Variants in MGAT5 observed in about 807,000 individuals in gnomAD.
MGAT5 encodes alpha-1,6-mannosylglycoprotein 6-beta-N-acetylglucosaminyltransferase.
Under a neutral mutation model 94.3 loss-of-function variants are expected in MGAT5, and 30 were observed. The observed-to-expected ratio is 0.32, with a 90% CI of 0.24 to 0.43. The LOEUF is 0.43. MGAT5 is among the 20% of genes least tolerant of loss of function. MGAT5 has a pLI of 1.00. For missense variants in MGAT5, 691 were observed against 905.5 expected (o/e 0.76, Z 3.04); for synonymous variants, 310 against 322.9 (o/e 0.96, Z 0.43).
At chr2:134,177,239 C>T (rs560264366) in intron 1 of MGAT5, among the ~76,000 whole-genome samples, 270 of 149,384 alleles carry the variant, frequency 1.8e-3, no homozygotes, top group Non-Finnish European at 2.7e-3. Context: ...ATAAACAGTT[C>T]TATGGGATGG....
chr2:134,119,978 T>G (rs1685484164), upstream of MGAT5: 1 of 151,840 alleles, frequency 6.6e-6, no homozygotes, highest in Non-Finnish European at 1.5e-5. Flanking sequence ...TGAGGTTGGC[T>G]AGGGGAAGGT....
chr2:134,277,739 T>C (rs1375347664), intron 2 of MGAT5, among the ~76,000 whole-genome samples: 2 of 152,242 alleles, frequency 1.3e-5, no homozygotes, highest in African/African-American at 2.4e-5. Context: ...AATATTGACA[T>C]AAAAATGGAA....
intron 1 of MGAT5, among the ~76,000 whole-genome samples, chr2:134,132,353 C>G (rs950435118): frequency 4.6e-5 from 7 of 152,138 alleles, no homozygotes; most frequent in Admixed American, 2.6e-4. Flanking sequence ...TGACCCCACC[C>G]TGGAGTAAGA....
chr2:134,257,181 T>G (rs1683018190), intron 1 of MGAT5, among the ~76,000 whole-genome samples: 1 of 152,170 alleles, frequency 6.6e-6, no homozygotes, highest in African/African-American at 2.4e-5. Context: ...ACAAACGCTA[T>G]CTGACATCAT....
intron 1 of MGAT5, among the ~76,000 whole-genome samples, chr2:134,143,656 G>A (rs1237113342): frequency 2.0e-5 from 3 of 152,192 alleles, no homozygotes; most frequent in Non-Finnish European, 2.9e-5. Context: ...GGGCTGGAAT[G>A]GTTGGCTGAG....
intron 13 of MGAT5, among the ~76,000 whole-genome samples, chr2:134,424,948 G>A (rs774664638): frequency 1.9e-4 from 29 of 152,262 alleles, no homozygotes; most frequent in Non-Finnish European, 4.0e-4. Context: ...CATCTAACTT[G>A]TTTACATCTA....
intron 4 of MGAT5, among the ~76,000 whole-genome samples, chr2:134,327,219 C>T (rs1398037926): frequency 6.6e-6 from 1 of 152,032 alleles, no homozygotes; most frequent in Non-Finnish European, 1.5e-5. Flanking sequence ...GCGTTTTGAG[C>T]ACTGATTAAC....
At chr2:134,274,905 G>A (rs1182589190) in intron 2 of MGAT5, among the ~76,000 whole-genome samples, 1 of 152,194 alleles carries the variant, frequency 6.6e-6, no homozygotes, top group Non-Finnish European at 1.5e-5. Flanking sequence ...TTTGGAAGCT[G>A]TTCTTAAAAA....
chr2:134,387,962 A>T (rs1034629369), intron 10 of MGAT5, among the ~76,000 whole-genome samples: 1 of 152,176 alleles, frequency 6.6e-6, no homozygotes, highest in East Asian at 1.9e-4. Context: ...TTCTTTGATG[A>T]CAGCTCTTCC....
chr2:134,403,411 A>C (rs192038869), intron 11 of MGAT5, among the ~76,000 whole-genome samples: 1 of 152,306 alleles, frequency 6.6e-6, no homozygotes, highest in Non-Finnish European at 1.5e-5. Context: ...CTGCAAATGG[A>C]AAAGGTAAAG....
At chr2:134,298,937 G>A (rs1248847203) in intron 2 of MGAT5, among the ~76,000 whole-genome samples, 1 of 152,084 alleles carries the variant, frequency 6.6e-6, no homozygotes, top group Non-Finnish European at 1.5e-5. Flanking sequence ...GAAGAAGAAG[G>A]AAGTCACATT....
At chr2:134,311,699 G>A (rs947520984) in intron 2 of MGAT5, among the ~76,000 whole-genome samples, 6 of 152,070 alleles carry the variant, frequency 3.9e-5, no homozygotes, top group African/African-American at 1.2e-4. Context: ...GATTCTTTTT[G>A]TAACCATATT....
At chr2:134,410,187 A>G (rs1351193554) in intron 11 of MGAT5, among the ~76,000 whole-genome samples, 2 of 152,226 alleles carry the variant, frequency 1.3e-5, no homozygotes, top group South Asian at 2.1e-4. Context: ...TAAGGTGCCA[A>G]TGTGTGGCAA....
chr2:134,260,874 T>C (rs1683291862), intron 1 of MGAT5, among the ~76,000 whole-genome samples: 1 of 152,014 alleles, frequency 6.6e-6, no homozygotes, highest in Non-Finnish European at 1.5e-5. Context: ...TTAGTTACTG[T>C]ATGGTGACGT....
At chr2:134,214,525 T>G (rs887804092) in intron 1 of MGAT5, among the ~76,000 whole-genome samples, 4 of 151,970 alleles carry the variant, frequency 2.6e-5, no homozygotes, top group African/African-American at 7.2e-5. Context: ...CATTCAAAGC[T>G]GTCCTTGGCT....
chr2:134,402,980 T>G lies in MGAT5; in HGVS notation c.1381-8T>G. 1 of 1,580,928 alleles carries G rather than the reference T, an allele frequency of 6.3e-7. No homozygotes were observed. The highest frequency in any genetic ancestry group is 1.2e-5 in the South Asian group (1 of 85,416). On this transcript the variant is annotated splice_region_variant and splice_polypyrimidine_tract_variant and intron_variant, in intron 10 of 15. Transcript: ENST00000281923. ...AGAGAAATGTCTTGTGCTTGTTTTC[T>G]TCTTTAGAATAAGAAGATCTACTTG...
At chr2:134,156,042 T>G (rs1290604274) in intron 1 of MGAT5, among the ~76,000 whole-genome samples, 1 of 152,084 alleles carries the variant, frequency 6.6e-6, no homozygotes, top group African/African-American at 2.4e-5. Flanking sequence ...ATCTTCAAGC[T>G]CTCCTATACT....
intron 1 of MGAT5, among the ~76,000 whole-genome samples, chr2:134,149,414 G>C (rs1027779500): frequency 1.5e-5 from 2 of 134,028 alleles, no homozygotes; most frequent in African/African-American, 3.0e-5. Context: ...AGAAAGCAAG[G>C]GTGAGTAAAA....
chr2:134,394,896 A>G (rs1007750025), intron 10 of MGAT5, among the ~76,000 whole-genome samples: 2 of 152,178 alleles, frequency 1.3e-5, no homozygotes, highest in African/African-American at 2.4e-5. Context: ...TGATTTCCTG[A>G]CCCTTTAGGG....
Sources: gnomAD v4.1 joint callset for allele counts (sites outside exome capture counted in the v4.1 genomes callset) on GRCh38, gnomAD v4.1.1 for gene constraint, MANE v1.5 for transcripts, NCBI Gene and HGNC (gene_info 2026-07-23, HGNC 2026-07-21) for gene names.